NCKAP5: variants seen among roughly 807,000 people sequenced by gnomAD.
NCKAP5 encodes the protein NCK associated protein 5, also known as nck-associated protein 5.
Under a neutral mutation model 167.0 loss-of-function variants are expected in NCKAP5, and 92 were observed. That is an observed-to-expected ratio of 0.55 (90% CI 0.47 to 0.66). NCKAP5 has a LOEUF of 0.66. Among genes scored for constraint, NCKAP5 ranks in the 30% least tolerant of loss-of-function variants. The probability of loss-of-function intolerance (pLI) is 0.00; values close to 1 mark genes in which losing one functional copy is unlikely to be tolerated. For missense variants in NCKAP5, 2,378 were observed against 2,315.0 expected, an observed-to-expected ratio of 1.03 and a Z score of -0.56; for synonymous variants, 891 against 877.4, an observed-to-expected ratio of 1.02 and a Z score of -0.27.
chr2:133,194,943 T>C (rs1187763124), intron 5 of NCKAP5, among the ~76,000 whole-genome samples: 1 of 151,872 alleles, frequency 6.6e-6, no homozygotes, highest in East Asian at 1.9e-4. Context: ...CAAAGTTAGC[T>C]GTCTACTCAC....
At chr2:133,597,848 C>A in the NCKAP5 span, among the ~76,000 whole-genome samples, 1 of 152,036 alleles carries the variant, frequency 6.6e-6, no homozygotes, top group Non-Finnish European at 1.5e-5. Context: ...TGGTGAGAAC[C>A]CACCTCTCCT....
chr2:133,347,579 TTAATATAATA>T (rs202127484), intron 3 of NCKAP5, among the ~76,000 whole-genome samples: 4 of 149,484 alleles, frequency 2.7e-5, no homozygotes, highest in African/African-American at 7.3e-5. Context: ...ATTAAAATAA[TTAATATAATA>T]TAATATAATA....
At chr2:132,780,064 G>T (rs1209642832) in intron 15 of NCKAP5, among the ~76,000 whole-genome samples, 3 of 152,318 alleles carry the variant, frequency 2.0e-5, no homozygotes, top group East Asian at 3.9e-4. Flanking sequence ...TGTACAGAGA[G>T]TAAGTGCAAT....
At chr2:133,136,210 T>G (rs1248374793) in intron 5 of NCKAP5, among the ~76,000 whole-genome samples, 1 of 152,162 alleles carries the variant, frequency 6.6e-6, no homozygotes, top group Admixed American at 6.5e-5. Flanking sequence ...AACTTCAGAA[T>G]GAAATTAAAA....
intron 5 of NCKAP5, among the ~76,000 whole-genome samples, chr2:133,130,776 G>T (rs1258864307): frequency 2.0e-5 from 3 of 152,184 alleles, no homozygotes; most frequent in African/African-American, 7.2e-5. Context: ...CTGGTAAAAA[G>T]CACACAGCTC....
intron 3 of NCKAP5, among the ~76,000 whole-genome samples, chr2:133,503,717 C>T (rs1210458432): frequency 1.3e-5 from 2 of 152,212 alleles, no homozygotes; most frequent in Non-Finnish European, 2.9e-5. Flanking sequence ...CTTCCTGCTC[C>T]TATTATACTA....
At chr2:133,132,675 ATTTT>A (rs35497758) in intron 5 of NCKAP5, among the ~76,000 whole-genome samples, 21 of 139,312 alleles carry the variant, frequency 1.5e-4, no homozygotes, top group East Asian at 8.5e-4. Context: ...TTTGTACCCA[ATTTT>A]TTTTTTTTTT....
chr2:132,872,445 G>C (rs554286666), intron 9 of NCKAP5, among the ~76,000 whole-genome samples: 3 of 152,206 alleles, frequency 2.0e-5, no homozygotes, highest in Non-Finnish European at 2.9e-5. Flanking sequence ...CGAGCAGAGG[G>C]AGGAAAAGCT....
At chr2:132,904,011 C>A (rs566771308) in intron 8 of NCKAP5, among the ~76,000 whole-genome samples, 1 of 152,000 alleles carries the variant, frequency 6.6e-6, no homozygotes, top group Non-Finnish European at 1.5e-5. Flanking sequence ...GATAATGGCC[C>A]GGCGCGGTGG....
At chr2:133,174,714 TTC>T (rs35751471) in intron 5 of NCKAP5, among the ~76,000 whole-genome samples, 243 of 150,134 alleles carry the variant, frequency 1.6e-3, no homozygotes, top group African/African-American at 4.7e-3. Context: ...TTTTTTTTTT[TTC>T]TCCCCCCTGC....
At chr2:132,844,741 A>AGT (rs972856347) in intron 11 of NCKAP5, among the ~76,000 whole-genome samples, 1 of 152,126 alleles carries the variant, frequency 6.6e-6, no homozygotes, top group African/African-American at 2.4e-5. Flanking sequence ...AACAGTGCAC[A>AGT]GTGTCTCACA....
intron 6 of NCKAP5, among the ~76,000 whole-genome samples, chr2:133,077,378 C>T (rs1240295098): frequency 6.6e-6 from 1 of 152,164 alleles, no homozygotes; most frequent in African/African-American, 2.4e-5. Context: ...TGTTTTTAAG[C>T]TGAGCCTTAC....
At chr2:133,539,368 A>G (rs1686041090) in intron 2 of NCKAP5, among the ~76,000 whole-genome samples, 1 of 152,190 alleles carries the variant, frequency 6.6e-6, no homozygotes, top group Non-Finnish European at 1.5e-5. Flanking sequence ...CACAGAGATG[A>G]GAGGAAGCTC....
chr2:133,597,972 G>A, the NCKAP5 span, among the ~76,000 whole-genome samples: 5 of 152,178 alleles, frequency 3.3e-5, no homozygotes, highest in African/African-American at 4.8e-5. Flanking sequence ...ACCGGCATGG[G>A]TATGAATACC....
intron 3 of NCKAP5, among the ~76,000 whole-genome samples, chr2:133,418,284 C>T (rs1369510): frequency 0.18 from 27,500 of 152,162 alleles, 2,622 homozygotes; most frequent in Non-Finnish European, 0.22. Flanking sequence ...AGTTCTGCAG[C>T]TAAACAACTC....
chr2:132,813,594 A>G (rs529142164), intron 11 of NCKAP5, among the ~76,000 whole-genome samples: 50 of 152,170 alleles, frequency 3.3e-4, no homozygotes, highest in Non-Finnish European at 4.6e-4. Context: ...AATCCTGAAG[A>G]CATGCAGTGA....
intron 4 of NCKAP5, among the ~76,000 whole-genome samples, chr2:133,260,751 GA>G (rs2088865597): frequency 6.6e-6 from 1 of 152,138 alleles, no homozygotes; most frequent in Non-Finnish European, 1.5e-5. Flanking sequence ...TGACTAAGAG[GA>G]AAAACAAAAG....
At chr2:133,304,032 T>G (rs1041814087) in intron 3 of NCKAP5, among the ~76,000 whole-genome samples, 2 of 152,152 alleles carry the variant, frequency 1.3e-5, no homozygotes, top group Admixed American at 1.3e-4. Context: ...TGGAACAGTA[T>G]TCAATGATTT....
intron 1 of NCKAP5, among the ~76,000 whole-genome samples, chr2:133,562,398 A>C (rs2105025138): frequency 6.6e-6 from 1 of 152,304 alleles, no homozygotes; most frequent in African/African-American, 2.4e-5. Context: ...TTGCTACAAA[A>C]CCAGTTAGCA....
Sources: allele counts gnomAD v4.1 joint callset (sites outside exome capture counted in the v4.1 genomes callset), GRCh38; gene constraint gnomAD v4.1.1; transcripts MANE v1.5; gene names NCBI Gene and HGNC (gene_info 2026-07-23, HGNC 2026-07-21).